The following PKP2 variants were observed in gnomAD, a reference collection of about 807,000 sequenced individuals.
PKP2 encodes plakophilin-2.
A neutral mutation model predicts 83.4 loss-of-function variants in PKP2; 73 were observed. The ratio of observed to expected loss-of-function variants is 0.88; its 90% CI spans 0.72 to 1.06. PKP2 has a LOEUF of 1.06. Among genes scored for constraint, PKP2 ranks in the 50% least tolerant of loss-of-function variants. The probability of loss-of-function intolerance (pLI) is 0.00; values close to 1 mark genes in which losing one functional copy is unlikely to be tolerated. For synonymous variants in PKP2, 409 were observed against 430.4 expected (o/e 0.95, Z 0.62); for missense variants, 966 against 1,065.4 (o/e 0.91, Z 1.30).
chr12:32,873,715 AGACG>A (rs1421606474), intron 3 of PKP2, among the ~76,000 whole-genome samples: 1 of 152,058 alleles, frequency 6.6e-6, no homozygotes, highest in Non-Finnish European at 1.5e-5. Context: ...TTTTTAGTAG[AGACG>A]GGTTTTCACC....
At chr12:32,830,562 T>A (rs987166711) in intron 6 of PKP2, among the ~76,000 whole-genome samples, 2 of 152,122 alleles carry the variant, frequency 1.3e-5, no homozygotes, top group Admixed American at 6.6e-5. Context: ...TGTCATCTGT[T>A]CCACACCAAG....
At chr12:32,808,670 C>T (rs979451057) in intron 9 of PKP2, among the ~76,000 whole-genome samples, 9 of 152,168 alleles carry the variant, frequency 5.9e-5, no homozygotes, top group African/African-American at 1.7e-4. Context: ...TATCTACCTT[C>T]GACCTTTGAG....
At chr12:32,820,961 C>A in intron 9 of PKP2, 1 of 262,418 alleles carries the variant, frequency 3.8e-6, no homozygotes, top group Non-Finnish European at 7.5e-6. Flanking sequence ...ATGGAGAGAG[C>A]CTTTGAGAAC....
intron 1 of PKP2, among the ~76,000 whole-genome samples, chr12:32,890,683 G>A (rs1163510546): frequency 1.3e-5 from 2 of 152,154 alleles, no homozygotes; most frequent in Non-Finnish European, 2.9e-5. Context: ...CACAGGCCGG[G>A]TGCGGTGGCT....
intron 8 of PKP2, 21 bp from the exon 9 acceptor site, chr12:32,821,550 T>A (rs1956379275): frequency 6.2e-7 from 1 of 1,613,440 alleles, no homozygotes; most frequent in Non-Finnish European, 8.5e-7. Context: ...ACAAAAGGAA[T>A]CCAGAATTAA....
rs575103888 is a variant in PKP2 at position 32,792,314 on chromosome 12, A to C, written c.*110T>G. 45 of 810,000 alleles carry C rather than the reference A, an allele frequency of 5.6e-5. No homozygotes were observed. In the African/African-American group the frequency reaches 7.4e-4, roughly 13 times the overall value. The allele number at this position is 810,000 out of a possible 1,614,324, so 50.2% of individuals were successfully genotyped here. On this transcript the variant is annotated 3_prime_UTR_variant, in exon 13 of 13. Transcript: ENST00000340811. ...TCTGGATTCAGGGGACCACGGAAATAGAGAAGGATAGAAACAAGGCATGCT... is the reference window on the plus strand; with the variant it reads ...TCTGGATTCAGGGGACCACGGAAATCGAGAAGGATAGAAACAAGGCATGCT...
At chr12:32,814,536 T>TA (rs1956303991) in intron 9 of PKP2, among the ~76,000 whole-genome samples, 2 of 152,294 alleles carry the variant, frequency 1.3e-5, no homozygotes, top group South Asian at 2.1e-4. Context: ...TTAGTTCCTT[T>TA]ACCTAACCTT....
intron 9 of PKP2, among the ~76,000 whole-genome samples, chr12:32,805,613 T>C (rs1956219608): frequency 1.3e-5 from 2 of 152,178 alleles, no homozygotes; most frequent in African/African-American, 4.8e-5. Context: ...CAGATTGTTG[T>C]AGGTGTGCAG....
At chr12:32,834,096 A>G (rs1956524541) in intron 6 of PKP2, among the ~76,000 whole-genome samples, 1 of 152,210 alleles carries the variant, frequency 6.6e-6, no homozygotes, top group African/African-American at 2.4e-5. Context: ...CTTTCTCCAG[A>G]AAAAATTCCC....
chr12:32,861,884 A>T (rs1956801009), intron 4 of PKP2, among the ~76,000 whole-genome samples: 1 of 152,168 alleles, frequency 6.6e-6, no homozygotes, highest in Admixed American at 6.5e-5. Context: ...GTGAGAAGAC[A>T]GTGGAGCAAC....
chr12:32,794,707 T>C (rs547313074), intron 11 of PKP2, among the ~76,000 whole-genome samples: 1 of 152,222 alleles, frequency 6.6e-6, no homozygotes, highest in South Asian at 2.1e-4. Context: ...ATTTCTGTTT[T>C]GCAACAGTAA....
intron 3 of PKP2, among the ~76,000 whole-genome samples, chr12:32,873,731 T>C (rs1321444689): frequency 6.6e-6 from 1 of 152,088 alleles, no homozygotes; most frequent in East Asian, 1.9e-4. Context: ...GTTTTCACCA[T>C]GTTGGCCAGG....
intron 1 of PKP2, among the ~76,000 whole-genome samples, chr12:32,885,402 C>A (rs991785928): frequency 1.5e-4 from 23 of 152,162 alleles, no homozygotes; most frequent in African/African-American, 5.5e-4. Context: ...GCCTGTAATC[C>A]CAGCACTTTG....
Position 32,850,818 on chromosome 12 carries a change from C to A in PKP2, c.1326G>T (p.Leu442=). 6.2e-7 allele frequency: 1 copy of A among 1,613,590 alleles called. No homozygotes were observed. Among genetic ancestry groups the A allele is most frequent in the Non-Finnish European group, 8.5e-7 (1 of 1,179,844 alleles). Residue 442 remains leucine (L), a synonymous_variant, in exon 5 of 13, where the codon CTG becomes CTT. Coordinates refer to ENST00000340811, the MANE Select transcript of PKP2 (RefSeq NM_001005242.3). ...CTCTGGTTTGCTTCAGCACCTGGAG[C>A]AGCCGAGGTACCCCATTTAGTTCAG... is the stretch of plus-strand genomic sequence containing the variant. ...EVAELNGVPR[L]LQVLKQTRDL...
Position 32,869,074 on chromosome 12 carries a change from G to A in PKP2, c.1035-12C>T. The A allele has an allele frequency of 6.2e-7, 1 of 1,613,648 alleles. No individual in the cohort carries two copies. The highest frequency in any genetic ancestry group is 8.5e-7 in the Non-Finnish European group (1 of 1,180,000). On this transcript the variant is annotated splice_polypyrimidine_tract_variant and intron_variant, in intron 3 of 12. Transcript: ENST00000340811. ...CCATGTCTGCATTCCTAGACAAACA[G>A]GCACAGATTCAGCCAGATTCCAAAC...
chr12:32,821,559 A>T, intron 8 of PKP2, 30 bp from the exon 9 acceptor site: 1 of 1,609,614 alleles, frequency 6.2e-7, no homozygotes, highest in Non-Finnish European at 8.5e-7. Context: ...ATCCAGAATT[A>T]ATGCATGTCA....
intron 1 of PKP2, among the ~76,000 whole-genome samples, chr12:32,880,962 C>A (rs1442077363): frequency 6.6e-6 from 1 of 152,178 alleles, no homozygotes; most frequent in Non-Finnish European, 1.5e-5. Context: ...GCTTCAGAGA[C>A]TCATGAAAGA....
At chr12:32,876,817 A>G (rs1956937257) in intron 3 of PKP2, among the ~76,000 whole-genome samples, 1 of 152,216 alleles carries the variant, frequency 6.6e-6, no homozygotes, top group African/African-American at 2.4e-5. Flanking sequence ...GGCCTGGGCC[A>G]CTGCTCCCGG....
intron 10 of PKP2, among the ~76,000 whole-genome samples, chr12:32,799,435 T>A (rs1455830739): frequency 1.3e-5 from 2 of 152,206 alleles, no homozygotes; most frequent in East Asian, 3.8e-4. Flanking sequence ...CACTACTGGG[T>A]ATCTACCCAA....
Sources: allele counts gnomAD v4.1 joint callset (sites outside exome capture counted in the v4.1 genomes callset), GRCh38; gene constraint gnomAD v4.1.1; transcripts MANE v1.5; gene names NCBI Gene and HGNC (gene_info 2026-07-23, HGNC 2026-07-21).